Variants in SLC4A7 observed in about 807,000 individuals in gnomAD.
SLC4A7 encodes the protein solute carrier family 4 member 7.
Under a neutral mutation model 137.6 loss-of-function variants are expected in SLC4A7, and 51 were observed. That is an observed-to-expected ratio of 0.37 (90% CI 0.30 to 0.47). The LOEUF is 0.47. Ranked by LOEUF, SLC4A7 falls within the 20% of genes least tolerant of loss-of-function variation. The pLI is 1.00. For missense variants in SLC4A7, 1,247 were observed against 1,525.4 expected (o/e 0.82, Z 3.04); for synonymous variants, 542 against 518.6 (o/e 1.05, Z -0.61).
chr3:27,377,518 G>T (rs542967509), intron 25 of SLC4A7, among the ~76,000 whole-genome samples: 1 of 152,000 alleles, frequency 6.6e-6, no homozygotes, highest in Admixed American at 6.6e-5. Context: ...CCAGCCTCCC[G>T]AGTAGCTGTG....
chr3:27,389,549 T>C (rs2051316833), intron 22 of SLC4A7, among the ~76,000 whole-genome samples: 1 of 152,182 alleles, frequency 6.6e-6, no homozygotes, highest in African/African-American at 2.4e-5. Context: ...TCATTACTTT[T>C]TAACTTCCAC....
intron 1 of SLC4A7, among the ~76,000 whole-genome samples, chr3:27,472,252 G>GACGGACT (rs2059278597): frequency 6.6e-6 from 1 of 152,176 alleles, no homozygotes; most frequent in African/African-American, 2.4e-5. Flanking sequence ...GAATACATGA[G>GACGGACT]CTTAAGTCAG....
chr3:27,437,472 T>C lies in SLC4A7; in HGVS notation c.344A>G (p.Glu115Gly), dbSNP rs1457443361. 6.3e-7 allele frequency: 1 copy of C among 1,598,606 alleles called. No individual in the cohort carries two copies. Among genetic ancestry groups the C allele is most frequent in the Non-Finnish European group, 8.5e-7 (1 of 1,170,040 alleles). The change falls in exon 4 of 26, where the codon GAA (glutamate) becomes GGA (glycine). Residue 115 changes from glutamate (E) to glycine (G), a missense_variant. Around this residue, in one of 6 missense-constraint regions of SLC4A7, gnomAD observed 176 missense variants for 186.4 expected, o/e 0.94. Transcript: ENST00000454389. ...CGTGAAGAGATCATGGGGAATATGT[T>C]CTTCATCATCATCTTCAGTACCAAG... ...FILGTEDDDE[E>G]HIPHDLFTEM...
At chr3:27,399,936 A>G (rs924606834) in intron 16 of SLC4A7, among the ~76,000 whole-genome samples, 2 of 152,216 alleles carry the variant, frequency 1.3e-5, no homozygotes, top group African/African-American at 2.4e-5. Flanking sequence ...ACTGTATTGG[A>G]CAATACAGTC....
chr3:27,462,158 A>G (rs2058734847), intron 1 of SLC4A7, among the ~76,000 whole-genome samples: 1 of 152,184 alleles, frequency 6.6e-6, no homozygotes, highest in African/African-American at 2.4e-5. Flanking sequence ...AAAACTAGTA[A>G]AGATAGGGAG....
At chr3:27,479,014 A>C (rs2059596531) in intron 1 of SLC4A7, among the ~76,000 whole-genome samples, 1 of 151,952 alleles carries the variant, frequency 6.6e-6, no homozygotes, top group African/African-American at 2.4e-5. Context: ...TCAGGAAAAA[A>C]AAAAACAAAA....
At chr3:27,468,171 C>T (rs1032123848) in intron 1 of SLC4A7, among the ~76,000 whole-genome samples, 4 of 152,198 alleles carry the variant, frequency 2.6e-5, no homozygotes, top group East Asian at 1.9e-4. Context: ...TCAAGTGATC[C>T]GCCCGCCTCG....
intron 24 of SLC4A7, among the ~76,000 whole-genome samples, chr3:27,380,270 G>A (rs2050286286): frequency 6.8e-6 from 1 of 147,666 alleles, no homozygotes; most frequent in South Asian, 2.1e-4. Flanking sequence ...TTGCACCACT[G>A]CACTCCAGCC....
rs1033767103 is a variant in SLC4A7, at chr3:27,403,486, T to C, written c.2076-102A>G. On this transcript the variant is annotated intron_variant, in intron 14 of 25. Transcript: ENST00000454389. ...AATGGGAACAGCAAGAAAACACGAT[T>C]CCTAAAAGAGAATGAATTACAGAAT... 7 of 679,408 alleles carry C rather than the reference T, an allele frequency of 1.0e-5. No individual in the cohort carries two copies. The African/African-American group carries it at 1.3e-4, about 12-fold the overall frequency. The allele number at this position is 679,408 out of a possible 1,614,324, so 42.1% of individuals were successfully genotyped here.
chr3:27,459,027 A>C (rs1422960670), intron 1 of SLC4A7, among the ~76,000 whole-genome samples: 1 of 152,082 alleles, frequency 6.6e-6, no homozygotes, highest in African/African-American at 2.4e-5. Flanking sequence ...AAAAATTCCA[A>C]AATGACCTCT....
chr3:27,382,267 C>A (rs774301567), intron 24 of SLC4A7, among the ~76,000 whole-genome samples: 26 of 151,906 alleles, frequency 1.7e-4, no homozygotes, highest in Non-Finnish European at 3.7e-4. Flanking sequence ...TTACAGGCAC[C>A]ACCACACCCA....
chr3:27,444,510 CTG>C (rs1370501148), intron 3 of SLC4A7, among the ~76,000 whole-genome samples: 8 of 152,172 alleles, frequency 5.3e-5, no homozygotes, highest in Non-Finnish European at 1.2e-4. Flanking sequence ...ACTTCATTCT[CTG>C]TGTTTCATTT....
intron 20 of SLC4A7, among the ~76,000 whole-genome samples, chr3:27,393,065 A>T (rs1234604788): frequency 6.6e-6 from 1 of 152,122 alleles, no homozygotes; most frequent in African/African-American, 2.4e-5. Flanking sequence ...GAGTTGAAGA[A>T]ATTTGTAACA....
chr3:27,390,123 A>G lies in SLC4A7; in HGVS notation c.3187-19T>C, dbSNP rs751358706. 2.7e-6 allele frequency: 4 copies of G among 1,457,908 alleles called. No individual in the cohort carries two copies. The Admixed American group carries it at 8.0e-5, about 29-fold the overall frequency. 90.3% of individuals were successfully genotyped at this position (1,457,908 alleles called of 1,614,324 possible). A position where few individuals can be genotyped will look rare whatever the true frequency, so the allele number is the denominator to read the frequency against. On this transcript the variant is annotated intron_variant, in intron 21 of 25. Coordinates refer to ENST00000454389, the MANE Select transcript of SLC4A7 (RefSeq NM_001321103.2). ...CAAATAACTACATATAGAATAAAAAACAAAGAAGTTTTCAATAAAATATTT... is the reference window on the plus strand; with the variant it reads ...CAAATAACTACATATAGAATAAAAAGCAAAGAAGTTTTCAATAAAATATTT...
chr3:27,470,875 G>C (rs555227412), intron 1 of SLC4A7, among the ~76,000 whole-genome samples: 148 of 152,252 alleles, frequency 9.7e-4, no homozygotes, highest in African/African-American at 3.2e-3. Context: ...CCAGTAGGCG[G>C]AGGTTGCAAT....
In SLC4A7 at chr3:27,424,172, C is replaced by T; in HGVS notation, c.1151-20G>A. The T allele has an allele frequency of 7.7e-7, 1 of 1,297,786 alleles. No individual in the cohort carries two copies. Among genetic ancestry groups the T allele is most frequent in the Non-Finnish European group, 1.1e-6 (1 of 911,274 alleles). 80.4% of individuals were successfully genotyped at this position (1,297,786 alleles called of 1,614,324 possible). On this transcript the variant is annotated intron_variant, in intron 7 of 25. Coordinates refer to ENST00000454389, the MANE Select transcript of SLC4A7 (RefSeq NM_001321103.2). ...AAATACCTATGTTTAAAGACAAATTCCAAATTAGTAAGGAGAAAATTCACT... is the reference window on the plus strand; with the variant it reads ...AAATACCTATGTTTAAAGACAAATTTCAAATTAGTAAGGAGAAAATTCACT...
chr3:27,417,897 G>A (rs1456129755), intron 11 of SLC4A7, among the ~76,000 whole-genome samples: 1 of 152,132 alleles, frequency 6.6e-6, no homozygotes, highest in East Asian at 1.9e-4. Context: ...CATCACTGCA[G>A]GAGTCCAAAA....
rs148520298 is a variant in SLC4A7, at chr3:27,395,104, T to C, written c.2715A>G (p.Pro905=). The change falls in exon 19 of 26, where the codon CCA becomes CCG. Residue 905 remains proline, a synonymous_variant. Transcript: ENST00000454389. ...GTGGGCTTATGATCCACCCTCTCTC[T>C]GGATGAGTAGGCTGTTAAAAAATTA... The part of the protein sequence containing the change: ...HVPEKFEPTH[P]ERGWIISPLG... 7.8e-4 allele frequency: 1,240 copies of C among 1,580,514 alleles called. 5 individuals are homozygous for C. The highest frequency in any genetic ancestry group is 3.7e-3 in the Admixed American group (180 of 49,138).
chr3:27,390,304 A>C lies in SLC4A7; in HGVS notation c.3187-200T>G, dbSNP rs566642831. ...TGGGGGAGGGTGGCAGGTGGGAACC[A>C]AGCAACCACTTGCACTGCTGTAATT... is the stretch of plus-strand genomic sequence containing the variant. On this transcript the variant is annotated intron_variant, in intron 21 of 25. Coordinates refer to ENST00000454389, the MANE Select transcript of SLC4A7 (RefSeq NM_001321103.2). 6 of 463,320 alleles carry C rather than the reference A, an allele frequency of 1.3e-5. No homozygotes were observed. In the East Asian group the frequency reaches 2.2e-4, roughly 17 times the overall value. 28.7% of individuals were successfully genotyped at this position (463,320 alleles called of 1,614,324 possible).
Sources: allele counts gnomAD v4.1 joint callset (sites outside exome capture counted in the v4.1 genomes callset), GRCh38; gene constraint gnomAD v4.1.1; regional missense constraint gnomAD v4.1.1; transcripts MANE v1.5; gene names NCBI Gene and HGNC (gene_info 2026-07-23, HGNC 2026-07-21).